The following RIN3 variants were observed in gnomAD, a reference collection of about 807,000 sequenced individuals.
The protein encoded by RIN3 is RAB5 interacting protein 3.
RIN3 carries 54 observed loss-of-function variants against 76.3 expected under a neutral mutation model. That is an observed-to-expected ratio of 0.71 (90% CI 0.57 to 0.89). The LOEUF is 0.89. Among genes scored for constraint, RIN3 ranks in the 40% least tolerant of loss-of-function variants. The pLI, the probability that RIN3 is intolerant of heterozygous loss-of-function variation, is 0.00. For synonymous variants in RIN3, 576 were observed against 564.0 expected (o/e 1.02, Z -0.30); for missense variants, 1,256 against 1,322.1 (o/e 0.95, Z 0.78).
intron 1 of RIN3, among the ~76,000 whole-genome samples, chr14:92,536,388 C>A (rs1896999993): frequency 6.6e-6 from 1 of 152,154 alleles, no homozygotes. Context: ...ATGTTTATAT[C>A]ATAAGCACTC....
chr14:92,635,680 C>T (rs889195534), intron 4 of RIN3, among the ~76,000 whole-genome samples: 5 of 151,934 alleles, frequency 3.3e-5, no homozygotes, highest in East Asian at 1.9e-4. Context: ...AGAGAAAGCC[C>T]ATCTCTACTA....
intron 2 of RIN3, among the ~76,000 whole-genome samples, chr14:92,556,174 T>G (rs1897575280): frequency 6.6e-6 from 1 of 151,916 alleles, no homozygotes; most frequent in Non-Finnish European, 1.5e-5. Context: ...GGGGAGCAGG[T>G]GTTTGTGACT....
intron 3 of RIN3, among the ~76,000 whole-genome samples, chr14:92,589,110 T>C (rs1157311140): frequency 6.6e-6 from 1 of 152,168 alleles, no homozygotes; most frequent in Non-Finnish European, 1.5e-5. Flanking sequence ...GTTTCTTGCC[T>C]GTTCTTGCCT....
intron 2 of RIN3, chr14:92,576,147 C>A: frequency 9.2e-7 from 1 of 1,091,456 alleles, no homozygotes; most frequent in Non-Finnish European, 1.2e-6. Context: ...CCTGGGGAAG[C>A]TGTGCCACAG....
intron 8 of RIN3, 124 bp from the exon 9 acceptor site, chr14:92,684,863 G>C: frequency 2.0e-6 from 2 of 1,016,284 alleles, no homozygotes; most frequent in Non-Finnish European, 3.0e-6. Flanking sequence ...GCAGGTGTTT[G>C]CAGATGTGCC....
intron 2 of RIN3, among the ~76,000 whole-genome samples, chr14:92,558,750 T>C (rs1344670581): frequency 6.6e-6 from 1 of 152,194 alleles, no homozygotes; most frequent in African/African-American, 2.4e-5. Context: ...ACACATCTCG[T>C]GGTTATCCCA....
intron 7 of RIN3, among the ~76,000 whole-genome samples, chr14:92,660,613 G>A (rs187702871): frequency 9.2e-5 from 14 of 152,346 alleles, no homozygotes; most frequent in African/African-American, 3.1e-4. Context: ...AAGGCCCATC[G>A]AGGCCTGGCC....
chr14:92,609,020 CTT>C (rs1441810157), intron 3 of RIN3, among the ~76,000 whole-genome samples: 1 of 152,102 alleles, frequency 6.6e-6, no homozygotes, highest in Non-Finnish European at 1.5e-5. Context: ...AACATGTAGT[CTT>C]TTATCCCTCA....
chr14:92,655,610 G>A (rs1887640126), intron 6 of RIN3, among the ~76,000 whole-genome samples: 1 of 152,250 alleles, frequency 6.6e-6, no homozygotes, highest in Non-Finnish European at 1.5e-5. Flanking sequence ...CACACCTAGT[G>A]GGAGCAGAGA....
At chr14:92,576,065 G>C (rs1254448586) in intron 2 of RIN3, among the ~76,000 whole-genome samples, 1 of 152,144 alleles carries the variant, frequency 6.6e-6, no homozygotes, top group Non-Finnish European at 1.5e-5. Flanking sequence ...CAGGGGTGGG[G>C]TCAAGACAGG....
chr14:92,659,712 C>A lies in RIN3; in HGVS notation c.2335+243C>A, dbSNP rs369948347. Among the ~76,000 whole-genome samples, 11 of 152,354 alleles carry A rather than the reference C, an allele frequency of 7.2e-5. No homozygotes were observed. The South Asian group carries it at 2.3e-3, about 32-fold the overall frequency. ...AGGCAAGCAAGGAAGCCAGCCCACACCTTAACTTTGTGTGAATGAGGAAAA... is the reference window on the plus strand; with the variant it reads ...AGGCAAGCAAGGAAGCCAGCCCACAACTTAACTTTGTGTGAATGAGGAAAA... On this transcript the variant is annotated intron_variant, in intron 7 of 9. Coordinates refer to ENST00000216487, the MANE Select transcript of RIN3 (RefSeq NM_024832.5).
intron 2 of RIN3, 57 bp from the exon 3 acceptor site, chr14:92,577,303 C>A: frequency 7.9e-7 from 1 of 1,259,122 alleles, no homozygotes; most frequent in Middle Eastern, 1.9e-4. Context: ...TGGTTGTCCT[C>A]CTCACCTTCA....
rs1887790451 is a variant in RIN3 at position 92,659,300 on chromosome 14, C to G, written c.2166C>G (p.Thr722=). The G allele has an allele frequency of 1.2e-6, 2 of 1,613,548 alleles. No homozygotes were observed. Among genetic ancestry groups the G allele is most frequent in the Non-Finnish European group, 8.5e-7 (1 of 1,179,726 alleles). The change falls in exon 7 of 10, where the codon ACC becomes ACG. Residue 722 remains threonine (T), a synonymous_variant. Coordinates refer to ENST00000216487, the MANE Select transcript of RIN3 (RefSeq NM_024832.5). ...LKENQLVILA[T]TTTDLGVTTS... is the part of the protein sequence containing the mutation. ...AGAACCAGTTAGTGATCCTGGCCACCACCACCACTGACCTAGGTGTGACCA... is the reference window on the plus strand; with the variant it reads ...AGAACCAGTTAGTGATCCTGGCCACGACCACCACTGACCTAGGTGTGACCA...
chr14:92,686,318 T>A (rs1888856463), intron 9 of RIN3: 3 of 152,274 alleles, frequency 2.0e-5, no homozygotes, highest in African/African-American at 7.2e-5. Flanking sequence ...ACAGGCTGAC[T>A]ATGGCTAATC....
intron 1 of RIN3, among the ~76,000 whole-genome samples, chr14:92,536,657 A>G (rs958930003): frequency 5.3e-5 from 8 of 150,788 alleles, no homozygotes; most frequent in African/African-American, 9.8e-5. Flanking sequence ...CAGGAGAATC[A>G]CTTGAACCCG....
intron 2 of RIN3, 56 bp from the exon 3 acceptor site, chr14:92,577,304 C>A: frequency 1.6e-6 from 2 of 1,287,184 alleles, no homozygotes; most frequent in Non-Finnish European, 2.2e-6. Context: ...GGTTGTCCTC[C>A]TCACCTTCAC....
chr14:92,650,275 T>A (rs141448852), intron 5 of RIN3, among the ~76,000 whole-genome samples: 1 of 152,268 alleles, frequency 6.6e-6, no homozygotes, highest in Non-Finnish European at 1.5e-5. Flanking sequence ...CCTGGTCAAA[T>A]CCCAGCGTCT....
At chr14:92,595,076 A>G (rs1043691140) in intron 3 of RIN3, among the ~76,000 whole-genome samples, 2 of 152,238 alleles carry the variant, frequency 1.3e-5, no homozygotes, top group East Asian at 1.9e-4. Flanking sequence ...ATTCATGCAT[A>G]TAGGTAACTA....
chr14:92,585,151 G>A (rs1884723562), intron 3 of RIN3, among the ~76,000 whole-genome samples: 1 of 152,042 alleles, frequency 6.6e-6, no homozygotes, highest in Non-Finnish European at 1.5e-5. Context: ...TAGCTGGGAT[G>A]ACAGGTGTGT....
Sources: allele counts gnomAD v4.1 joint callset (sites outside exome capture counted in the v4.1 genomes callset), GRCh38; gene constraint gnomAD v4.1.1; transcripts MANE v1.5; gene names NCBI Gene and HGNC (gene_info 2026-07-23, HGNC 2026-07-21).